Variants in KCNN2 observed in about 807,000 individuals in gnomAD.
The protein encoded by KCNN2 is small conductance calcium-activated potassium channel protein 2.
KCNN2 carries 24 observed loss-of-function variants against 55.5 expected under a neutral mutation model. That is an observed-to-expected ratio of 0.43 (90% CI 0.31 to 0.61). The LOEUF (loss-of-function observed/expected upper bound fraction) is 0.61. Ranked by LOEUF, KCNN2 falls within the 20% of genes least tolerant of loss-of-function variation. KCNN2 has a pLI of 0.08. For synonymous variants in KCNN2, 431 were observed against 336.1 expected, an observed-to-expected ratio of 1.28 and a Z score of -3.09; for missense variants, 754 against 853.6, an observed-to-expected ratio of 0.88 and a Z score of 1.45.
intron 1 of KCNN2, among the ~76,000 whole-genome samples, chr5:114,118,985 A>C (rs1267813213): frequency 6.6e-6 from 1 of 152,178 alleles, no homozygotes; most frequent in Non-Finnish European, 1.5e-5. Flanking sequence ...TTCATATAGA[A>C]GAGGAGGAGG....
chr5:114,066,125 A>G (rs938479019), intron 1 of KCNN2, among the ~76,000 whole-genome samples: 4 of 152,158 alleles, frequency 2.6e-5, no homozygotes, highest in African/African-American at 7.2e-5. Context: ...TTTCTCAGCA[A>G]TCAACTTGGG....
intron 2 of KCNN2, among the ~76,000 whole-genome samples, chr5:114,251,357 T>G (rs1754855951): frequency 6.6e-6 from 1 of 152,356 alleles, no homozygotes; most frequent in African/African-American, 2.4e-5. Flanking sequence ...TGAATCCTCC[T>G]ATGCTATCTA....
intron 6 of KCNN2, among the ~76,000 whole-genome samples, chr5:114,489,516 TGTACTTCTAAA>T: frequency 6.6e-6 from 1 of 152,194 alleles, no homozygotes; most frequent in East Asian, 1.9e-4. Context: ...TGTAGCAATG[TGTACTTCTAAA>T]GTAGATAAGC....
chr5:114,426,308 T>G (rs1759622948), intron 3 of KCNN2, among the ~76,000 whole-genome samples: 1 of 152,258 alleles, frequency 6.6e-6, no homozygotes, highest in Non-Finnish European at 1.5e-5. Flanking sequence ...GTTTTTCAGA[T>G]GTTAATCCAA....
chr5:114,214,525 T>G (rs909315264), intron 1 of KCNN2, among the ~76,000 whole-genome samples: 2 of 152,014 alleles, frequency 1.3e-5, no homozygotes, highest in Non-Finnish European at 2.9e-5. Context: ...AATAGCTAGG[T>G]ATCGAAAATT....
chr5:114,378,643 C>T (rs919623617), intron 2 of KCNN2, among the ~76,000 whole-genome samples: 1 of 152,058 alleles, frequency 6.6e-6, no homozygotes, highest in Non-Finnish European at 1.5e-5. Context: ...GTAGTTGAAA[C>T]TTCTGGTGCC....
At chr5:114,476,674 G>GCCTC (rs1324511933) in intron 5 of KCNN2, among the ~76,000 whole-genome samples, 1 of 152,106 alleles carries the variant, frequency 6.6e-6, no homozygotes, top group Non-Finnish European at 1.5e-5. Flanking sequence ...GCCTGCCTTA[G>GCCTC]CCTCCCAAAG....
chr5:114,144,153 C>T (rs747732109), intron 1 of KCNN2, among the ~76,000 whole-genome samples: 1 of 152,140 alleles, frequency 6.6e-6, no homozygotes, highest in Admixed American at 6.6e-5. Context: ...TTGTCAATGG[C>T]GTTTTACTGA....
intron 2 of KCNN2, among the ~76,000 whole-genome samples, chr5:114,387,795 A>C (rs1351202445): frequency 6.6e-6 from 1 of 152,204 alleles, no homozygotes; most frequent in Non-Finnish European, 1.5e-5. Flanking sequence ...CTGACATTTC[A>C]GAGATGTTCA....
chr5:114,388,690 G>A (rs994662138), intron 2 of KCNN2, among the ~76,000 whole-genome samples: 2 of 152,136 alleles, frequency 1.3e-5, no homozygotes, highest in Non-Finnish European at 2.9e-5. Context: ...CTCAATCTGT[G>A]TATGTCTCAA....
At chr5:114,280,027 G>C (rs1257148545) in intron 2 of KCNN2, among the ~76,000 whole-genome samples, 29 of 152,134 alleles carry the variant, frequency 1.9e-4, no homozygotes, top group Admixed American at 4.6e-4. Flanking sequence ...CTGTGGTTTT[G>C]ATTTGCATTT....
At chr5:114,330,466 A>G (rs574397786) in intron 2 of KCNN2, among the ~76,000 whole-genome samples, 41 of 152,350 alleles carry the variant, frequency 2.7e-4, no homozygotes, top group African/African-American at 7.7e-4. Flanking sequence ...AAGACATTCA[A>G]TTGTATACAA....
At chr5:114,451,440 C>T (rs879787826) in intron 3 of KCNN2, among the ~76,000 whole-genome samples, 37 of 152,034 alleles carry the variant, frequency 2.4e-4, no homozygotes, top group South Asian at 1.9e-3. Context: ...CAAACATACG[C>T]ACACACACAC....
chr5:114,328,858 G>A (rs1007858956), intron 2 of KCNN2, among the ~76,000 whole-genome samples: 2 of 152,172 alleles, frequency 1.3e-5, no homozygotes, highest in African/African-American at 2.4e-5. Flanking sequence ...GCTGGCCCTA[G>A]GATAGCAAAT....
Position 114,391,539 on chromosome 5 carries a change from A to G in KCNN2, c.1219-12899A>G, listed in dbSNP as rs910524197. On this transcript the variant is annotated intron_variant, in intron 2 of 7. Coordinates refer to ENST00000673685, the MANE Select transcript of KCNN2 (RefSeq NM_021614.4). ...TTTCCTGTGAGTCACACTACCAGATATTCAGAGCAGTTGGTTGATATTTAA... is the reference window on the plus strand; with the variant it reads ...TTTCCTGTGAGTCACACTACCAGATGTTCAGAGCAGTTGGTTGATATTTAA... 9.9e-5 allele frequency among the ~76,000 whole-genome samples: 15 copies of G among 152,204 alleles called. No individual in the cohort carries two copies. The East Asian group carries it at 1.7e-3, about 18-fold the overall frequency.
At chr5:114,229,526 C>A (rs1287282711) in intron 2 of KCNN2, among the ~76,000 whole-genome samples, 2 of 151,636 alleles carry the variant, frequency 1.3e-5, no homozygotes. Flanking sequence ...TTAAAAAATT[C>A]TGTTTGTGAT....
At chr5:114,174,155 G>A (rs1023713645) in intron 1 of KCNN2, among the ~76,000 whole-genome samples, 5 of 151,902 alleles carry the variant, frequency 3.3e-5, no homozygotes, top group African/African-American at 7.2e-5. Context: ...GAAGTAAAAC[G>A]ATCAAAAACA....
At chr5:114,440,535 G>A (rs867341870) in intron 3 of KCNN2, among the ~76,000 whole-genome samples, 1 of 152,044 alleles carries the variant, frequency 6.6e-6, no homozygotes, top group Admixed American at 6.6e-5. Context: ...AACAAACAGG[G>A]TCTACAAATA....
At chr5:114,265,327 GTGTGTGTGTGTGTGT>G (rs749530738) in intron 2 of KCNN2, among the ~76,000 whole-genome samples, 2 of 920 alleles carry the variant, frequency 2.2e-3, no homozygotes, top group African/African-American at 9.5e-3. Flanking sequence ...AAGAGGAGGT[GTGTGTGTGTGTGTGT>G]GTGTGTGTGT....
Sources: gnomAD v4.1 joint callset for allele counts (sites outside exome capture counted in the v4.1 genomes callset) on GRCh38, gnomAD v4.1.1 for gene constraint, MANE v1.5 for transcripts, NCBI Gene and HGNC (gene_info 2026-07-23, HGNC 2026-07-21) for gene names.